PUS7L: variants seen among roughly 807,000 people sequenced by gnomAD.
PUS7L encodes pseudouridine synthase 7 like.
In PUS7L, 49 loss-of-function variants were observed where a neutral mutation model predicts 51.1. The ratio of observed to expected loss-of-function variants is 0.96; its 90% CI spans 0.76 to 1.22. PUS7L has a LOEUF of 1.22. PUS7L is among the 50% of genes most tolerant of loss of function. The pLI is 0.00. For synonymous variants in PUS7L, 277 were observed against 276.2 expected (o/e 1.00, Z -0.03); for missense variants, 828 against 820.6 (o/e 1.01, Z -0.11).
chr12:43,754,203 C>A, intron 2 of PUS7L, 133 bp downstream of exon 2: 1 of 549,154 alleles, frequency 1.8e-6, no homozygotes, highest in Non-Finnish European at 3.1e-6. Flanking sequence ...AATTGCTTAT[C>A]AGCAATTCCT....
rs1944528669 is a variant in PUS7L at position 43,730,571 on chromosome 12, T to C, written c.1911A>G (p.Ile637Met). The change falls in exon 9 of 9, where the codon ATA (isoleucine) becomes ATG (methionine). Residue 637 changes from isoleucine (I) to methionine (M), a missense_variant. Ile to Met is a conservative substitution (Grantham distance 10). Transcript: ENST00000344862. ...TCAAAATCTGTCTATAGCAACCTGG[T>C]ATATTCAGTTTCAGAGTAGGTACTT... Reference protein sequence around the residue: ...RFKVPTLKLNIPGCYRQILKH... With the variant: ...RFKVPTLKLNMPGCYRQILKH... 1 of 1,613,728 alleles carries C rather than the reference T, an allele frequency of 6.2e-7. No homozygotes were observed. Among genetic ancestry groups the C allele is most frequent in the Admixed American group, 1.7e-5 (1 of 60,000 alleles).
intron 6 of PUS7L, 62 bp downstream of exon 6, chr12:43,738,248 A>C: frequency 1.1e-6 from 1 of 869,994 alleles, no homozygotes; most frequent in Admixed American, 1.8e-5. Flanking sequence ...CCTGCTGATA[A>C]AACATTTATA....
At chr12:43,758,370 C>T (rs968185629) in intron 1 of PUS7L, 1 of 985,500 alleles carries the variant, frequency 1.0e-6, no homozygotes, top group Non-Finnish European at 1.2e-6. Flanking sequence ...TGACAGTGGG[C>T]GGGGGAGTAG....
At chr12:43,752,967 T>C (rs1938527395) in intron 2 of PUS7L, among the ~76,000 whole-genome samples, 2 of 152,300 alleles carry the variant, frequency 1.3e-5, no homozygotes, top group South Asian at 4.1e-4. Flanking sequence ...CCTCCAACTA[T>C]TCACAACTTT....
In PUS7L at chr12:43,742,500, ACTTTC is replaced by A. The variant is rs1220265447; in HGVS notation, c.1314_1318del (p.Arg438SerfsTer14). The A allele has an allele frequency of 2.5e-6, 4 of 1,610,332 alleles. No homozygotes were observed. The highest frequency in any genetic ancestry group is 3.4e-6 in the Non-Finnish European group (4 of 1,178,736). Reference sequence around the variant, plus strand: ...AGCTAGTCCAATTTGGTCTGTGTGAACTTTCCTTCCCTTCCCAAATCTCTGTGGTC... The same window carrying A: ...AGCTAGTCCAATTTGGTCTGTGTGAACTTCCCTTCCCAAATCTCTGTGGTC... On this transcript the variant is annotated frameshift_variant, in exon 5 of 9. Transcript: ENST00000344862. LOFTEE classifies it high-confidence loss of function.
intron 8 of PUS7L, among the ~76,000 whole-genome samples, chr12:43,731,174 A>G (rs1189864471): frequency 6.6e-6 from 1 of 152,218 alleles, no homozygotes; most frequent in Non-Finnish European, 1.5e-5. Context: ...GCTTGTGAGT[A>G]AACACTGCAT....
chr12:43,754,569 T>C lies in PUS7L; in HGVS notation c.677A>G (p.Lys226Arg), dbSNP rs1182336127. 1 of 1,609,288 alleles carries C rather than the reference T, an allele frequency of 6.2e-7. No homozygotes were observed. Among genetic ancestry groups the C allele is most frequent in the South Asian group, 1.1e-5 (1 of 90,142 alleles). ...FDFFKYLDAK[K>R]ENSKFTFKPD... is the part of the protein sequence containing the mutation. ...TTTAAAGGTAAATTTGGAATTTTCT[T>C]TCTTTGCATCCAAATATTTAAAAAA... The change falls in exon 2 of 9, where the codon AAA (lysine) becomes AGA (arginine). Residue 226 changes from lysine to arginine, a missense_variant. Coordinates refer to ENST00000344862, the MANE Select transcript of PUS7L (RefSeq NM_031292.5).
chr12:43,755,588 A>G (rs1938662794), intron 1 of PUS7L, among the ~76,000 whole-genome samples: 1 of 152,204 alleles, frequency 6.6e-6, no homozygotes, highest in Non-Finnish European at 1.5e-5. Flanking sequence ...GCTCACAAGA[A>G]GAGGTGAGAA....
At chr12:43,750,875 G>A (rs748302439) in intron 2 of PUS7L, among the ~76,000 whole-genome samples, 3 of 152,178 alleles carry the variant, frequency 2.0e-5, no homozygotes, top group Non-Finnish European at 4.4e-5. Flanking sequence ...AGGCTGAGTG[G>A]GCTGGAATTC....
chr12:43,742,494 G>C lies in PUS7L; in HGVS notation c.1325C>G (p.Thr442Arg). The C allele has an allele frequency of 6.2e-7, 1 of 1,610,058 alleles. No individual in the cohort carries two copies. Among genetic ancestry groups the C allele is most frequent in the Non-Finnish European group, 8.5e-7 (1 of 1,178,502 alleles). The change falls in exon 5 of 9, where the codon ACA becomes AGA. Residue 442 changes from threonine (T) to arginine (R), a missense_variant. Thr to Arg is a moderately conservative substitution (Grantham distance 71, BLOSUM62 -1). Transcript: ENST00000344862. ...QRFGKGRKVHTDQIGLALLKN... is the reference protein window; with the variant it reads ...QRFGKGRKVHRDQIGLALLKN... ...CAGCAAAGCTAGTCCAATTTGGTCT[G>C]TGTGAACTTTCCTTCCCTTCCCAAA... is the stretch of plus-strand genomic sequence containing the variant.
Position 43,755,143 on chromosome 12 carries a change from TAA to T in PUS7L, c.101_102del (p.Phe34TyrfsTer4). On this transcript the variant is annotated frameshift_variant, in exon 2 of 9. Transcript: ENST00000344862. LOFTEE classifies it high-confidence loss of function. Reference protein sequence around the residue: ...HGTIKSSPSDFIVIEIDEQGQ... With the variant: ...HGTIKSSPSDXIVIEIDEQGQ... ...CCCTGTTCATCAATTTCAATAACAA[TAA>T]AGTCACTTGGTGAGCTTTTTATAGT... 6.2e-7 allele frequency: 1 copy of T among 1,613,460 alleles called. No individual in the cohort carries two copies. Among genetic ancestry groups the T allele is most frequent in the Non-Finnish European group, 8.5e-7 (1 of 1,179,510 alleles).
At chr12:43,738,206 T>C in intron 6 of PUS7L, 104 bp downstream of exon 6, 1 of 713,264 alleles carries the variant, frequency 1.4e-6, no homozygotes, top group East Asian at 2.7e-5. Context: ...ATAATTTATT[T>C]CTTATCACAT....
intron 4 of PUS7L, among the ~76,000 whole-genome samples, chr12:43,743,165 C>A (rs1937989422): frequency 6.6e-6 from 1 of 152,088 alleles, no homozygotes; most frequent in Non-Finnish European, 1.5e-5. Flanking sequence ...TGGAGGTGAA[C>A]CATACAGGCC....
At chr12:43,746,016 T>A (rs1451646520) in intron 4 of PUS7L, 30 bp downstream of exon 4, 3 of 1,027,140 alleles carry the variant, frequency 2.9e-6, no homozygotes, top group African/African-American at 1.6e-5. Context: ...AAGATTTCCC[T>A]GGATGCCTTT....
Position 43,722,164 on chromosome 12 carries a change from T to A in PUS7L, c.*8212A>T, listed in dbSNP as rs1330751941. On this transcript the variant is annotated 3_prime_UTR_variant, in exon 9 of 9. Coordinates refer to ENST00000344862, the MANE Select transcript of PUS7L (RefSeq NM_031292.5). ...TGTGAAACAGCTGTAACAAAGGGTA[T>A]GTACTATGGAGTAGTGACAGAAGCC... 6.6e-6 allele frequency: 1 copy of A among 152,148 alleles called. No homozygotes were observed. The highest frequency in any genetic ancestry group is 1.5e-5 in the Non-Finnish European group (1 of 68,012). 9.4% of individuals were successfully genotyped at this position (152,148 alleles called of 1,614,324 possible).
intron 1 of PUS7L, among the ~76,000 whole-genome samples, chr12:43,757,836 G>C (rs1436587881): frequency 7.9e-5 from 12 of 152,310 alleles, no homozygotes; most frequent in African/African-American, 2.9e-4. Context: ...AACATGCAAT[G>C]TGTGCAAGAA....
In PUS7L at chr12:43,755,008, A is replaced by G; in HGVS notation, c.238T>C (p.Leu80=). Residue 80 remains leucine (L), a synonymous_variant, in exon 2 of 9, where the codon TTA becomes CTA. Transcript: ENST00000344862. ...ACTTCTTGGTTTCTTCCATCTTCTA[A>G]GGACAGATTTTGAAGATCTAGTTTT... The part of the protein sequence containing the change: ...KPKLDLQNLS[L]EDGRNQEVHT... 6.2e-7 allele frequency: 1 copy of G among 1,613,180 alleles called. No individual in the cohort carries two copies. The highest frequency in any genetic ancestry group is 2.2e-5 in the East Asian group (1 of 44,830).
Position 43,722,584 on chromosome 12 carries a change from A to G in PUS7L, c.*7792T>C, listed in dbSNP as rs550243698. 23 of 152,258 alleles carry G rather than the reference A, an allele frequency of 1.5e-4. No individual in the cohort carries two copies. In the East Asian group the frequency reaches 3.1e-3, roughly 20 times the overall value. The allele number at this position is 152,258 out of a possible 1,614,324, so 9.4% of individuals were successfully genotyped here. A position where few individuals can be genotyped will look rare whatever the true frequency, so the allele number is the denominator to read the frequency against. On this transcript the variant is annotated 3_prime_UTR_variant, in exon 9 of 9. Coordinates refer to ENST00000344862, the MANE Select transcript of PUS7L (RefSeq NM_031292.5). ...CTTTGCGATATTTTATAGAAAAATA[A>G]ATTAGTTTCCTTTTGAAAATCATAT...
chr12:43,745,795 T>C (rs1049637089), intron 4 of PUS7L, among the ~76,000 whole-genome samples: 2 of 142,842 alleles, frequency 1.4e-5, no homozygotes, highest in African/African-American at 5.2e-5. Context: ...CCCTCTTCTC[T>C]GGAGGACACC....
Sources: gnomAD v4.1 joint callset for allele counts (sites outside exome capture counted in the v4.1 genomes callset) on GRCh38, gnomAD v4.1.1 for gene constraint, MANE v1.5 for transcripts, NCBI Gene and HGNC (gene_info 2026-07-23, HGNC 2026-07-21) for gene names.